The following TENM3 variants were observed in gnomAD, a reference collection of about 807,000 sequenced individuals.
TENM3 encodes the protein teneurin transmembrane protein 3.
TENM3 carries 63 observed loss-of-function variants against 255.1 expected under a neutral mutation model. The observed-to-expected ratio is 0.25, with a 90% confidence interval of 0.20 to 0.30. The LOEUF (loss-of-function observed/expected upper bound fraction) is 0.30. TENM3 is among the 10% of genes least tolerant of loss of function. The pLI, the probability that TENM3 is intolerant of heterozygous loss-of-function variation, is 1.00. For synonymous variants in TENM3, 1,306 were observed against 1,322.3 expected (o/e 0.99, Z 0.27); for missense variants, 2,929 against 3,461.1 (o/e 0.85, Z 3.86).
At chr4:182,535,984 T>C (rs1332888397) in intron 3 of TENM3, among the ~76,000 whole-genome samples, 3 of 152,130 alleles carry the variant, frequency 2.0e-5, no homozygotes, top group Admixed American at 6.5e-5. Context: ...AGATTATCTA[T>C]TTTAATATTG....
the TENM3 span, among the ~76,000 whole-genome samples, chr4:181,517,667 C>G: frequency 6.6e-6 from 1 of 152,176 alleles, no homozygotes; most frequent in African/African-American, 2.4e-5. Context: ...TTTTCCACTT[C>G]ACAACTATTT....
At chr4:182,526,792 A>G (rs756487754) in intron 3 of TENM3, among the ~76,000 whole-genome samples, 16 of 152,210 alleles carry the variant, frequency 1.1e-4, no homozygotes, top group Non-Finnish European at 2.1e-4. Context: ...ATCTTTATTC[A>G]TTAACATAGA....
intron 3 of TENM3, among the ~76,000 whole-genome samples, chr4:182,543,836 G>A (rs992612786): frequency 6.6e-6 from 1 of 151,860 alleles, no homozygotes; most frequent in Non-Finnish European, 1.5e-5. Flanking sequence ...AGTCGGATAT[G>A]AATCTTTATA....
At chr4:182,355,743 A>G (rs1580267905) in intron 3 of TENM3, among the ~76,000 whole-genome samples, 1 of 152,262 alleles carries the variant, frequency 6.6e-6, no homozygotes, top group South Asian at 2.1e-4. Context: ...ACATTTAAAG[A>G]GACTGTCTTC....
chr4:181,916,680 C>G, the TENM3 span, among the ~76,000 whole-genome samples: 1 of 152,064 alleles, frequency 6.6e-6, no homozygotes, highest in Non-Finnish European at 1.5e-5. Flanking sequence ...AGATCGAGAC[C>G]ACCCTGGCCA....
the TENM3 span, among the ~76,000 whole-genome samples, chr4:182,005,957 A>T: frequency 6.6e-6 from 1 of 152,226 alleles, no homozygotes; most frequent in African/African-American, 2.4e-5. Context: ...TATCAGTTCA[A>T]GTTTTTGGGC....
At chr4:182,254,323 T>C (rs1027208983) in intron 1 of TENM3, among the ~76,000 whole-genome samples, 1 of 135,592 alleles carries the variant, frequency 7.4e-6, no homozygotes, top group Non-Finnish European at 1.5e-5. Flanking sequence ...TGAGGACTTT[T>C]TCTCTCTCTC....
chr4:181,816,007 C>T, the TENM3 span, among the ~76,000 whole-genome samples: 1 of 152,130 alleles, frequency 6.6e-6, no homozygotes, highest in Non-Finnish European at 1.5e-5. Context: ...AAAATTTGTT[C>T]ATTCATATCT....
At chr4:182,128,597 C>T in the TENM3 span, among the ~76,000 whole-genome samples, 2 of 152,168 alleles carry the variant, frequency 1.3e-5, no homozygotes, top group Non-Finnish European at 2.9e-5. Flanking sequence ...GTGAACAATT[C>T]CTTATTAACT....
chr4:182,232,971 T>A (rs1756675699), intron 1 of TENM3, among the ~76,000 whole-genome samples: 1 of 152,154 alleles, frequency 6.6e-6, no homozygotes. Flanking sequence ...TTCTGGAATT[T>A]TCCATTTAAC....
intron 22 of TENM3, among the ~76,000 whole-genome samples, chr4:182,773,048 C>T (rs1228305953): frequency 6.6e-6 from 1 of 152,170 alleles, no homozygotes; most frequent in Non-Finnish European, 1.5e-5. Flanking sequence ...TGCACGTAAA[C>T]ATACTGTACT....
chr4:181,878,197 G>T, the TENM3 span, among the ~76,000 whole-genome samples: 2 of 152,128 alleles, frequency 1.3e-5, no homozygotes, highest in East Asian at 3.9e-4. Flanking sequence ...TCATCTGGCT[G>T]TGTGTTTAAC....
chr4:182,065,833 T>C, the TENM3 span, among the ~76,000 whole-genome samples: 1 of 152,222 alleles, frequency 6.6e-6, no homozygotes, highest in African/African-American at 2.4e-5. Context: ...TTTGTCTGAA[T>C]CTTGTTACCA....
At chr4:181,811,750 G>A in the TENM3 span, among the ~76,000 whole-genome samples, 1 of 152,124 alleles carries the variant, frequency 6.6e-6, no homozygotes, top group Non-Finnish European at 1.5e-5. Flanking sequence ...CAGAATGGGG[G>A]AAATCACCCA....
intron 1 of TENM3, among the ~76,000 whole-genome samples, chr4:182,149,553 T>C (rs1014273446): frequency 3.9e-5 from 6 of 152,004 alleles, no homozygotes; most frequent in African/African-American, 1.2e-4. Context: ...ACTGAAACCA[T>C]ATCATGTAAT....
At chr4:182,219,990 A>G (rs1385961252) in intron 1 of TENM3, among the ~76,000 whole-genome samples, 6 of 152,188 alleles carry the variant, frequency 3.9e-5, no homozygotes, top group Admixed American at 3.3e-4. Flanking sequence ...ACACAGGTCA[A>G]CCGTAAGTCT....
the TENM3 span, among the ~76,000 whole-genome samples, chr4:181,604,228 G>A: frequency 6.6e-6 from 1 of 152,104 alleles, no homozygotes. Flanking sequence ...TCGCGCCACA[G>A]CACTCCAGCC....
chr4:181,549,883 C>T, the TENM3 span, among the ~76,000 whole-genome samples: 2 of 152,126 alleles, frequency 1.3e-5, no homozygotes, highest in Non-Finnish European at 2.9e-5. Flanking sequence ...CACTGAATTT[C>T]TCTGATTCTG....
the TENM3 span, among the ~76,000 whole-genome samples, chr4:182,045,295 C>T: frequency 2.0e-5 from 3 of 151,346 alleles, no homozygotes; most frequent in African/African-American, 7.3e-5. Context: ...CCCAAGGAAG[C>T]GTTCAGGCTG....
Sources: allele counts gnomAD v4.1 joint callset (sites outside exome capture counted in the v4.1 genomes callset), GRCh38; gene constraint gnomAD v4.1.1; transcripts MANE v1.5; gene names NCBI Gene and HGNC (gene_info 2026-07-23, HGNC 2026-07-21).